Variants in WDR33 observed in about 807,000 individuals in gnomAD.
WDR33 encodes WD repeat domain 33.
Under a neutral mutation model 164.9 loss-of-function variants are expected in WDR33, and 47 were observed. The ratio of observed to expected loss-of-function variants is 0.29; its 90% confidence interval spans 0.23 to 0.36. The LOEUF is 0.36. Ranked by LOEUF, WDR33 falls within the 10% of genes least tolerant of loss-of-function variation. The probability of loss-of-function intolerance (pLI) is 1.00; values close to 1 mark genes in which losing one functional copy is unlikely to be tolerated. For missense variants in WDR33, 1,137 were observed against 1,754.1 expected, an observed-to-expected ratio of 0.65 and a Z score of 6.28; for synonymous variants, 505 against 589.0, an observed-to-expected ratio of 0.86 and a Z score of 2.06.
At chr2:127,807,011 A>T (rs995713510) in intron 1 of WDR33, among the ~76,000 whole-genome samples, 11 of 149,564 alleles carry the variant, frequency 7.4e-5, no homozygotes, top group Admixed American at 1.3e-4. Context: ...CATGTTTGAA[A>T]TTTTTTTTTT....
At chr2:127,746,235 G>A (rs1687164939) in intron 7 of WDR33, among the ~76,000 whole-genome samples, 1 of 152,072 alleles carries the variant, frequency 6.6e-6, no homozygotes, top group Non-Finnish European at 1.5e-5. Flanking sequence ...CTATTTAAAT[G>A]TGGCTTACAA....
At chr2:127,736,291 G>A (rs1686839363) in intron 7 of WDR33, 2 of 985,384 alleles carry the variant, frequency 2.0e-6, no homozygotes, top group Non-Finnish European at 2.4e-6. Flanking sequence ...GGGAGGAAGA[G>A]GAGACTGGGG....
Position 127,701,821 on chromosome 2 carries a change from C to A in WDR33, c.*4502G>T. 6.9e-7 allele frequency: 1 copy of A among 1,457,840 alleles called. No homozygotes were observed. Among genetic ancestry groups the A allele is most frequent in the South Asian group, 1.3e-5 (1 of 77,596 alleles). 90.3% of individuals were successfully genotyped at this position (1,457,840 alleles called of 1,614,324 possible). ...TGTTTCGGCCTAGCCGCGCTCTACG[C>A]ACCGGTGTTGCTGCTGCGCGCGCGC... On this transcript the variant is annotated 3_prime_UTR_variant, in exon 22 of 22. Coordinates refer to ENST00000322313, the MANE Select transcript of WDR33 (RefSeq NM_018383.5).
intron 7 of WDR33, among the ~76,000 whole-genome samples, chr2:127,756,023 TAC>T (rs1432375971): frequency 6.6e-6 from 1 of 152,140 alleles, no homozygotes; most frequent in Non-Finnish European, 1.5e-5. Flanking sequence ...ATTGCTGAGC[TAC>T]AGTTTTCTGG....
rs1184029642 is a variant in WDR33 at position 127,701,897 on chromosome 2, C to T, written c.*4426G>A. On this transcript the variant is annotated 3_prime_UTR_variant, in exon 22 of 22. Transcript: ENST00000322313. ...GCTCGGCGCTGGCGTTGGCGGGAAGCGCGCTGCTGCGGGGCGGCGCGGCGT... is the reference window on the plus strand; with the variant it reads ...GCTCGGCGCTGGCGTTGGCGGGAAGTGCGCTGCTGCGGGGCGGCGCGGCGT... 1 of 1,455,094 alleles carries T rather than the reference C, an allele frequency of 6.9e-7. No homozygotes were observed. The highest frequency in any genetic ancestry group is 1.5e-5 in the African/African-American group (1 of 67,342). The allele number at this position is 1,455,094 out of a possible 1,614,324, so 90.1% of individuals were successfully genotyped here.
At chr2:127,768,365 G>A in intron 3 of WDR33, 72 bp from the exon 4 acceptor site, 3 of 866,542 alleles carry the variant, frequency 3.5e-6, no homozygotes, top group Non-Finnish European at 5.0e-6. Flanking sequence ...ACACGGCAAG[G>A]TAATTATTTC....
intron 7 of WDR33, among the ~76,000 whole-genome samples, chr2:127,749,778 G>A (rs72968978): frequency 2.0e-5 from 3 of 151,058 alleles, no homozygotes; most frequent in Admixed American, 1.3e-4. Flanking sequence ...AGTGTTTCTC[G>A]TCAGCAAGAA....
chr2:127,724,032 C>A lies in WDR33; in HGVS notation c.1196+301G>T, dbSNP rs149382690. Among the ~76,000 whole-genome samples, 273 of 151,938 alleles carry A rather than the reference C, an allele frequency of 1.8e-3. No homozygotes were observed. Among genetic ancestry groups the A allele is most frequent in the African/African-American group, 6.4e-3 (264 of 41,382 alleles). ...GGTTGAGGCTATAGTGAGCTGAGACCGCACCATTGCACGCCAGCCTGGACA... is the reference window on the plus strand; with the variant it reads ...GGTTGAGGCTATAGTGAGCTGAGACAGCACCATTGCACGCCAGCCTGGACA... On this transcript the variant is annotated intron_variant, in intron 11 of 21. Coordinates refer to ENST00000322313, the MANE Select transcript of WDR33 (RefSeq NM_018383.5). The surrounding 1 kb of genome is among the most constrained non-coding windows in gnomAD (Gnocchi z 4.8).
chr2:127,720,053 G>A lies in WDR33; in HGVS notation c.1972C>T (p.Pro658Ser), dbSNP rs1686399239. The change falls in exon 16 of 22, where the codon CCC (proline) becomes TCC (serine). Residue 658 changes from proline to serine, a missense_variant. Physicochemically the swap from Pro to Ser is moderately conservative, Grantham distance 74. Coordinates refer to ENST00000322313, the MANE Select transcript of WDR33 (RefSeq NM_018383.5). This position sits in a 1 kb window ranked among gnomAD's most constrained non-coding sequence, Gnocchi z 5.9. The part of the protein sequence containing the change: ...GPQGFMGPQG[P>S]QGPPQGLPRP... ...GGCAACCCCTGGGGCGGGCCCTGGG[G>A]CCCCTGTGGTCCCATGAATCCTTGT... is the stretch of plus-strand genomic sequence containing the variant. The A allele has an allele frequency of 6.8e-6, 11 of 1,614,010 alleles. No individual in the cohort carries two copies. Among genetic ancestry groups the A allele is most frequent in the African/African-American group, 1.3e-5 (1 of 74,926 alleles).
chr2:127,751,151 A>G (rs1687347824), intron 7 of WDR33, among the ~76,000 whole-genome samples: 1 of 151,892 alleles, frequency 6.6e-6, no homozygotes, highest in Admixed American at 6.6e-5. Context: ...ACTTGAGCCC[A>G]GGAGTTCAAG....
rs201681607 is a variant in WDR33, at chr2:127,805,068, C to CTTTTTTTT, written c.-24+5936_-24+5943dup. On this transcript the variant is annotated intron_variant, in intron 1 of 21. Transcript: ENST00000322313. ...CGTATCATCACCTGTGAAGTTTTTT[C>CTTTTTTTT]TTTTTTTTTTTTTTTTTTTTTTTTT... Among the ~76,000 whole-genome samples, 108 of 84,418 alleles carry CTTTTTTTT rather than the reference C, an allele frequency of 1.3e-3. 4 individuals carry two copies. The highest frequency in any genetic ancestry group is 1.4e-3 in the Non-Finnish European group (64 of 44,946). 55.4% of individuals were successfully genotyped at this position (84,418 alleles called of 152,430 possible). A position where few individuals can be genotyped will look rare whatever the true frequency, so the allele number is the denominator to read the frequency against.
chr2:127,707,752 G>A (rs1686055228), intron 21 of WDR33, among the ~76,000 whole-genome samples: 1 of 152,216 alleles, frequency 6.6e-6, no homozygotes, highest in Non-Finnish European at 1.5e-5. Context: ...ATCACTTGAG[G>A]CCAGGAGTTC....
chr2:127,701,710 C>A lies in WDR33; in HGVS notation c.*4613G>T. The A allele has an allele frequency of 7.5e-7, 1 of 1,329,510 alleles. No homozygotes were observed. Among genetic ancestry groups the A allele is most frequent in the Non-Finnish European group, 9.6e-7 (1 of 1,044,552 alleles). The allele number at this position is 1,329,510 out of a possible 1,614,324, so 82.4% of individuals were successfully genotyped here. A position where few individuals can be genotyped will look rare whatever the true frequency, so the allele number is the denominator to read the frequency against. On this transcript the variant is annotated 3_prime_UTR_variant, in exon 22 of 22. Transcript: ENST00000322313. Reference sequence around the variant, plus strand: ...TGGGCGCGGAGCCCTGCGGAGTCGGCAGCGGCCGGCCTGACGTGCCTCCCG... The same window carrying A: ...TGGGCGCGGAGCCCTGCGGAGTCGGAAGCGGCCGGCCTGACGTGCCTCCCG...
At position 127,711,774 on chromosome 2, in the gene WDR33, A is replaced by ATTTTTTTTTTTTTTTTT. The variant is rs1382438028; in HGVS notation, c.3308+1808_3308+1809insAAAAAAAAAAAAAAAAA. ...CAGATATATATATATATATATATAT[A>ATTTTTTTTTTTTTTTTT]TATATATTTTTTTTTTGAGACAGAG... On this transcript the variant is annotated intron_variant, in intron 18 of 21. Transcript: ENST00000322313. Among the ~76,000 whole-genome samples the ATTTTTTTTTTTTTTTTT allele has an allele frequency of 4.4e-4, 41 of 93,332 alleles. 1 individual carries two copies. The highest frequency in any genetic ancestry group is 6.7e-4 in the Non-Finnish European group (34 of 51,124). The allele number at this position is 93,332 out of a possible 152,430, so 61.2% of individuals were successfully genotyped here. A position where few individuals can be genotyped will look rare whatever the true frequency, so the allele number is the denominator to read the frequency against.
chr2:127,791,168 C>CA (rs1040294070), intron 1 of WDR33, among the ~76,000 whole-genome samples: 3 of 106,336 alleles, frequency 2.8e-5, no homozygotes, highest in Non-Finnish European at 5.7e-5. Flanking sequence ...CACCCCACCC[C>CA]CCCCCCCAGC....
At chr2:127,755,308 CG>C (rs1292617036) in intron 7 of WDR33, among the ~76,000 whole-genome samples, 13 of 152,184 alleles carry the variant, frequency 8.5e-5, no homozygotes, top group African/African-American at 3.1e-4. Context: ...TTAAATAGGA[CG>C]GGGCCAAGTA....
chr2:127,808,446 C>T (rs1214409385), intron 1 of WDR33, among the ~76,000 whole-genome samples: 1 of 152,160 alleles, frequency 6.6e-6, no homozygotes, highest in African/African-American at 2.4e-5. Flanking sequence ...TACAATACAA[C>T]TTTAGAAAGT....
chr2:127,713,603 A>T lies in WDR33; in HGVS notation c.3288T>A (p.Phe1096Leu). 2 of 1,614,248 alleles carry T rather than the reference A, an allele frequency of 1.2e-6. No individual in the cohort carries two copies. The highest frequency in any genetic ancestry group is 8.5e-7 in the Non-Finnish European group (1 of 1,180,040). ...RFPRDPEDPRFRGRREESFRR... is the reference protein window; with the variant it reads ...RFPRDPEDPRLRGRREESFRR... ...CCCACCTTTCTTCTCTGCGCCCTCG[A>T]AAACGTGGGTCCTCGGGATCCCGGG... Residue 1096 changes from phenylalanine (F) to leucine (L), a missense_variant, in exon 18 of 22, where the codon TTT (phenylalanine) becomes TTA (leucine). Phe to Leu is a conservative substitution (Grantham distance 22). Around this residue, in one of 9 missense-constraint regions of WDR33, gnomAD observed 867 missense variants for 1,073.0 expected, o/e 0.81. Coordinates refer to ENST00000322313, the MANE Select transcript of WDR33 (RefSeq NM_018383.5). The surrounding 1 kb of genome is among the most constrained non-coding windows in gnomAD (Gnocchi z 6.2).
At chr2:127,734,416 G>C (rs768547687) in intron 7 of WDR33, among the ~76,000 whole-genome samples, 2 of 152,196 alleles carry the variant, frequency 1.3e-5, no homozygotes, top group Non-Finnish European at 1.5e-5. Flanking sequence ...CTGCTTTGTA[G>C]ATTAACCTGT....
Sources: allele counts gnomAD v4.1 joint callset (sites outside exome capture counted in the v4.1 genomes callset), GRCh38; gene constraint gnomAD v4.1.1; regional missense constraint gnomAD v4.1.1; non-coding constraint Gnocchi (gnomAD v3.1); transcripts MANE v1.5; gene names NCBI Gene and HGNC (gene_info 2026-07-23, HGNC 2026-07-21).